The following STXBP5L variants were observed in gnomAD, a reference collection of about 807,000 sequenced individuals.
STXBP5L encodes the protein syntaxin-binding protein 5-like.
A neutral mutation model predicts 144.5 loss-of-function variants in STXBP5L; 65 were observed. That is an observed-to-expected ratio of 0.45 (90% confidence interval 0.37 to 0.55). The LOEUF (loss-of-function observed/expected upper bound fraction) is 0.55, where lower values mean the gene tolerates loss of function less well. Ranked by LOEUF, STXBP5L falls within the 20% of genes least tolerant of loss-of-function variation. STXBP5L has a pLI of 0.00. For missense variants in STXBP5L, 1,298 were observed against 1,405.5 expected (o/e 0.92, Z 1.22); for synonymous variants, 505 against 469.6 (o/e 1.08, Z -0.97).
At chr3:121,156,028 A>C (rs989460389) in intron 8 of STXBP5L, among the ~76,000 whole-genome samples, 4 of 151,912 alleles carry the variant, frequency 2.6e-5, no homozygotes, top group African/African-American at 4.8e-5. Flanking sequence ...CCACCTACAG[A>C]AGGGAGAAGA....
intron 7 of STXBP5L, among the ~76,000 whole-genome samples, chr3:121,137,824 T>C (rs997430357): frequency 3.8e-4 from 58 of 152,210 alleles, no homozygotes; most frequent in African/African-American, 1.4e-3. Flanking sequence ...GCTAACCTCA[T>C]ACTGAATGGG....
intron 3 of STXBP5L, among the ~76,000 whole-genome samples, chr3:120,972,619 C>T (rs558095555): frequency 1.3e-5 from 2 of 152,054 alleles, no homozygotes; most frequent in South Asian, 2.1e-4. Context: ...AATAGGAGTG[C>T]TGGAAGCTGG....
intron 9 of STXBP5L, among the ~76,000 whole-genome samples, chr3:121,161,868 G>A (rs746361081): frequency 8.6e-5 from 13 of 151,850 alleles, no homozygotes; most frequent in East Asian, 1.9e-4. Context: ...CACAATTACC[G>A]CTTTTATTTA....
intron 7 of STXBP5L, among the ~76,000 whole-genome samples, chr3:121,148,564 A>C (rs2045806258): frequency 6.6e-6 from 1 of 152,220 alleles, no homozygotes; most frequent in Middle Eastern, 3.4e-3. Context: ...GAAATGATAA[A>C]TGAGACAAAG....
At chr3:121,244,182 G>T (rs184841122) in intron 14 of STXBP5L, among the ~76,000 whole-genome samples, 7 of 151,916 alleles carry the variant, frequency 4.6e-5, no homozygotes, top group African/African-American at 1.7e-4. Context: ...TTAGGGAAAT[G>T]ATGCATGAAC....
intron 9 of STXBP5L, among the ~76,000 whole-genome samples, chr3:121,161,649 G>A (rs576235000): frequency 2.6e-5 from 4 of 152,008 alleles, no homozygotes; most frequent in African/African-American, 7.2e-5. Context: ...GGTTGCTGCT[G>A]TTGCTGCAAA....
chr3:121,368,409 T>G (rs984678660), intron 20 of STXBP5L, among the ~76,000 whole-genome samples: 10 of 152,210 alleles, frequency 6.6e-5, no homozygotes, highest in African/African-American at 1.9e-4. Flanking sequence ...CTTTCTTTAG[T>G]TCTTTAAGCA....
At chr3:121,134,035 T>G (rs1237340736) in intron 7 of STXBP5L, among the ~76,000 whole-genome samples, 1 of 152,182 alleles carries the variant, frequency 6.6e-6, no homozygotes, top group African/African-American at 2.4e-5. Context: ...ATATCAGCTC[T>G]CTTAGTCCAT....
At chr3:121,097,156 C>T (rs889959845) in intron 5 of STXBP5L, among the ~76,000 whole-genome samples, 3 of 152,176 alleles carry the variant, frequency 2.0e-5, no homozygotes, top group Non-Finnish European at 2.9e-5. Flanking sequence ...ACTCAAGCTG[C>T]ACCAGTGGTG....
intron 9 of STXBP5L, among the ~76,000 whole-genome samples, chr3:121,197,438 C>T (rs944196325): frequency 1.3e-5 from 2 of 151,900 alleles, no homozygotes; most frequent in Non-Finnish European, 2.9e-5. Flanking sequence ...TGTACTCCTC[C>T]TTTACTGATT....
At chr3:120,956,696 A>C (rs141670914) in intron 3 of STXBP5L, among the ~76,000 whole-genome samples, 49 of 152,040 alleles carry the variant, frequency 3.2e-4, no homozygotes, top group African/African-American at 1.2e-3. Flanking sequence ...TATCCAGAAG[A>C]AGAATTGCTG....
At chr3:121,383,251 G>A (rs1284513280) in intron 22 of STXBP5L, among the ~76,000 whole-genome samples, 3 of 151,968 alleles carry the variant, frequency 2.0e-5, no homozygotes, top group Non-Finnish European at 4.4e-5. Context: ...AGTCTGGGCA[G>A]CATAATGAGA....
intron 5 of STXBP5L, among the ~76,000 whole-genome samples, chr3:121,058,373 C>T (rs1315018626): frequency 2.0e-5 from 3 of 152,204 alleles, no homozygotes; most frequent in African/African-American, 7.2e-5. Context: ...TCCAGTCTAT[C>T]ACTGATGGGC....
chr3:120,916,003 ATAAT>A (rs1357551528), intron 2 of STXBP5L, among the ~76,000 whole-genome samples: 1 of 152,160 alleles, frequency 6.6e-6, no homozygotes, highest in African/African-American at 2.4e-5. Context: ...ACCTTTAAAA[ATAAT>A]TAAGACATAA....
intron 5 of STXBP5L, among the ~76,000 whole-genome samples, chr3:121,051,717 G>T (rs548204359): frequency 5.3e-5 from 8 of 151,990 alleles, no homozygotes; most frequent in South Asian, 2.1e-4. Flanking sequence ...GCTAGCAGAA[G>T]GCAAGAAATA....
At chr3:121,260,411 A>G (rs1428155609) in intron 18 of STXBP5L, among the ~76,000 whole-genome samples, 1 of 151,980 alleles carries the variant, frequency 6.6e-6, no homozygotes, top group Non-Finnish European at 1.5e-5. Context: ...ATTTTTTGCA[A>G]TTCTATTTTT....
intron 3 of STXBP5L, among the ~76,000 whole-genome samples, chr3:121,026,398 A>C (rs1428744380): frequency 6.6e-6 from 1 of 151,974 alleles, no homozygotes; most frequent in Non-Finnish European, 1.5e-5. Flanking sequence ...ACATATTCCT[A>C]TTTTATTTTC....
chr3:121,174,649 A>T (rs1291949151), intron 9 of STXBP5L, among the ~76,000 whole-genome samples: 2 of 152,138 alleles, frequency 1.3e-5, no homozygotes, highest in African/African-American at 4.8e-5. Flanking sequence ...GAATTTCTGA[A>T]AGTTGAATAT....
chr3:121,021,282 C>T (rs986614853), intron 3 of STXBP5L, among the ~76,000 whole-genome samples: 1 of 152,070 alleles, frequency 6.6e-6, no homozygotes, highest in African/African-American at 2.4e-5. Flanking sequence ...TACTACTAGA[C>T]CTAAGCAATG....
Sources: gnomAD v4.1 joint callset for allele counts (sites outside exome capture counted in the v4.1 genomes callset) on GRCh38, gnomAD v4.1.1 for gene constraint, MANE v1.5 for transcripts, NCBI Gene and HGNC (gene_info 2026-07-23, HGNC 2026-07-21) for gene names.